The following PHF24 variants were observed in gnomAD, a reference collection of about 807,000 sequenced individuals.
PHF24 encodes the protein Galpha inhibitory interacting protein.
In PHF24, 25 loss-of-function variants were observed where a neutral mutation model predicts 42.6. The observed-to-expected ratio is 0.59, with a 90% CI of 0.43 to 0.82. The LOEUF (loss-of-function observed/expected upper bound fraction) is 0.82. Ranked by LOEUF, PHF24 falls within the 40% of genes least tolerant of loss-of-function variation. The pLI, the probability that PHF24 is intolerant of heterozygous loss-of-function variation, is 0.00. For synonymous variants in PHF24, 185 were observed against 204.8 expected (o/e 0.90, Z 0.83); for missense variants, 470 against 538.1 (o/e 0.87, Z 1.25).
the PHF24 span, among the ~76,000 whole-genome samples, chr9:34,673,281 G>A: frequency 1.3e-5 from 2 of 148,434 alleles, no homozygotes; most frequent in African/African-American, 4.9e-5. Context: ...TCTAACCTGG[G>A]AGCGGGAGGT....
At chr9:34,724,788 C>T in the PHF24 span, 77 of 1,551,528 alleles carry the variant, frequency 5.0e-5, no homozygotes, top group African/African-American at 7.1e-4. Flanking sequence ...GGGATTTCCA[C>T]GGGACTAGGC....
the PHF24 span, among the ~76,000 whole-genome samples, chr9:34,948,489 T>G: frequency 6.6e-6 from 1 of 152,142 alleles, no homozygotes; most frequent in Non-Finnish European, 1.5e-5. Flanking sequence ...ACTTTTTATC[T>G]CTTATACCAT....
At chr9:34,977,554 A>G (rs532446577) in exon 7 of PHF24, 4 of 1,608,026 alleles carry the variant, frequency 2.5e-6, no homozygotes, top group Middle Eastern at 1.7e-4. Context: ...AGCATCAGCC[A>G]TGTGGGTCCC....
the PHF24 span, among the ~76,000 whole-genome samples, chr9:34,850,246 A>T: frequency 6.6e-6 from 1 of 152,016 alleles, no homozygotes; most frequent in Non-Finnish European, 1.5e-5. Flanking sequence ...CACCAATCAG[A>T]CGTAGATTTG....
At chr9:34,767,998 A>G in the PHF24 span, among the ~76,000 whole-genome samples, 1 of 152,154 alleles carries the variant, frequency 6.6e-6, no homozygotes, top group Admixed American at 6.5e-5. Context: ...CCTTGTACTC[A>G]CTTTGAGTCT....
the PHF24 span, among the ~76,000 whole-genome samples, chr9:34,739,431 A>T: frequency 6.6e-6 from 1 of 152,190 alleles, no homozygotes; most frequent in Non-Finnish European, 1.5e-5. Flanking sequence ...AAACTCATAT[A>T]TTTCCACAAA....
the PHF24 span, among the ~76,000 whole-genome samples, chr9:34,860,982 G>T: frequency 1.3e-5 from 2 of 152,120 alleles, no homozygotes; most frequent in Non-Finnish European, 2.9e-5. Flanking sequence ...GAGAGGTAGG[G>T]GGTCCAAGCA....
chr9:34,716,948 G>A, the PHF24 span, among the ~76,000 whole-genome samples: 6 of 152,068 alleles, frequency 3.9e-5, no homozygotes, highest in African/African-American at 1.4e-4. Context: ...AGGGACTTAC[G>A]CTTCTGCATA....
intron 1 of PHF24, among the ~76,000 whole-genome samples, chr9:34,964,871 C>T (rs926901240): frequency 6.6e-6 from 1 of 152,090 alleles, no homozygotes; most frequent in Non-Finnish European, 1.5e-5. Context: ...AGTTTTTTTC[C>T]AGGCCTTCCC....
At chr9:34,892,818 CT>C in the PHF24 span, 1 of 676,236 alleles carries the variant, frequency 1.5e-6, no homozygotes, top group South Asian at 1.6e-5. Context: ...GCCCAGGAAT[CT>C]TGGACGCTGT....
the PHF24 span, among the ~76,000 whole-genome samples, chr9:34,767,654 T>C: frequency 6.6e-6 from 1 of 152,358 alleles, no homozygotes; most frequent in Admixed American, 6.5e-5. Context: ...CCCTTGCGCT[T>C]CCGGAGTGAG....
chr9:34,810,008 C>T, the PHF24 span, among the ~76,000 whole-genome samples: 1 of 145,322 alleles, frequency 6.9e-6, no homozygotes, highest in Non-Finnish European at 1.5e-5. Context: ...GCGCCGCCGC[C>T]GCCCACGCGC....
the PHF24 span, among the ~76,000 whole-genome samples, chr9:34,731,236 G>A: frequency 6.6e-6 from 1 of 152,122 alleles, no homozygotes; most frequent in African/African-American, 2.4e-5. Context: ...CAGGGTAAAT[G>A]GGGTATCCAT....
the PHF24 span, among the ~76,000 whole-genome samples, chr9:34,869,374 G>A: frequency 6.6e-6 from 1 of 152,184 alleles, no homozygotes; most frequent in African/African-American, 2.4e-5. Flanking sequence ...CCCATCAACA[G>A]TGTAAAAGCA....
the PHF24 span, among the ~76,000 whole-genome samples, chr9:34,847,819 G>T: frequency 6.6e-6 from 1 of 152,114 alleles, no homozygotes; most frequent in East Asian, 1.9e-4. Context: ...AAGCGTTGTT[G>T]AATTTTGTCA....
intron 1 of PHF24, among the ~76,000 whole-genome samples, chr9:34,967,155 C>G (rs763712207): frequency 1.3e-5 from 2 of 152,128 alleles, no homozygotes; most frequent in Non-Finnish European, 2.9e-5. Flanking sequence ...GTGGATCTTC[C>G]AACCACACAG....
chr9:34,756,792 A>C, the PHF24 span, among the ~76,000 whole-genome samples: 1 of 152,108 alleles, frequency 6.6e-6, no homozygotes, highest in Non-Finnish European at 1.5e-5. Context: ...GACTCTGTAG[A>C]TCACTCTGGG....
At chr9:34,939,364 G>A in the PHF24 span, among the ~76,000 whole-genome samples, 6 of 152,160 alleles carry the variant, frequency 3.9e-5, no homozygotes, top group South Asian at 2.1e-4. Flanking sequence ...GCCAAGAATC[G>A]GTGTAGACTT....
At chr9:34,785,166 T>C in the PHF24 span, among the ~76,000 whole-genome samples, 1 of 152,198 alleles carries the variant, frequency 6.6e-6, no homozygotes, top group Non-Finnish European at 1.5e-5. Flanking sequence ...GCGGTGTTTG[T>C]TGTTTGCTGT....
Sources: allele counts gnomAD v4.1 joint callset (sites outside exome capture counted in the v4.1 genomes callset), GRCh38; gene constraint gnomAD v4.1.1; transcripts MANE v1.5; gene names NCBI Gene and HGNC (gene_info 2026-07-23, HGNC 2026-07-21).